LRP1: variants seen among roughly 807,000 people sequenced by gnomAD.
LRP1 encodes the protein prolow-density lipoprotein receptor-related protein 1.
Under a neutral mutation model 541.5 loss-of-function variants are expected in LRP1, and 51 were observed. The observed-to-expected ratio is 0.09, with a 90% CI of 0.08 to 0.12. The LOEUF (loss-of-function observed/expected upper bound fraction) is 0.12. Among genes scored for constraint, LRP1 ranks in the 10% least tolerant of loss-of-function variants. The pLI is 1.00. For synonymous variants in LRP1, 2,219 were observed against 2,470.8 expected (o/e 0.90, Z 3.02); for missense variants, 3,878 against 6,376.2 (o/e 0.61, Z 13.34).
In LRP1 at chr12:57,177,011, G is replaced by A. The variant is rs562259774; in HGVS notation, c.3992-30G>A. 2.0e-4 allele frequency: 319 copies of A among 1,594,986 alleles called. No individual in the cohort carries two copies. In the South Asian group the frequency reaches 3.3e-3, roughly 16 times the overall value. On this transcript the variant is annotated intron_variant, in intron 24 of 88. Coordinates refer to ENST00000243077, the MANE Select transcript of LRP1 (RefSeq NM_002332.3). This position sits in a 1 kb window ranked among gnomAD's most constrained non-coding sequence, Gnocchi z 6.8. ...ATTCATGCACAGCTCCCCAGGAGACGCTAACCTTTCACTGCCCTCTCTTCT... is the reference window on the plus strand; with the variant it reads ...ATTCATGCACAGCTCCCCAGGAGACACTAACCTTTCACTGCCCTCTCTTCT...
chr12:57,197,778 C>T lies in LRP1; in HGVS notation c.9282+114C>T. The T allele has an allele frequency of 8.4e-7, 1 of 1,185,926 alleles. No individual in the cohort carries two copies. The highest frequency in any genetic ancestry group is 1.2e-6 in the Non-Finnish European group (1 of 847,414). The allele number at this position is 1,185,926 out of a possible 1,614,324, so 73.5% of individuals were successfully genotyped here. ...ATTGCTTCCTTCTCACTCCACTAGT[C>T]ACTATATGACTGCTTGTTCTAGCTG... is the stretch of plus-strand genomic sequence containing the variant. On this transcript the variant is annotated intron_variant, in intron 58 of 88. Coordinates refer to ENST00000243077, the MANE Select transcript of LRP1 (RefSeq NM_002332.3). This position sits in a 1 kb window ranked among gnomAD's most constrained non-coding sequence, Gnocchi z 4.5.
intron 6 of LRP1, among the ~76,000 whole-genome samples, chr12:57,146,968 C>G (rs7968719): frequency 0.5 from 76,646 of 151,860 alleles, 19,446 homozygotes; most frequent in Admixed American, 0.56. Context: ...CAGTGGGCTT[C>G]TGGGTAGGTG....
rs2035818986 is a variant in LRP1 at position 57,165,410 on chromosome 12, C to G, written c.2531-395C>G. The G allele has an allele frequency of 5.7e-6, 1 of 175,014 alleles. No homozygotes were observed. Among genetic ancestry groups the G allele is most frequent in the African/African-American group, 2.4e-5 (1 of 41,942 alleles). 10.8% of individuals were successfully genotyped at this position (175,014 alleles called of 1,614,324 possible). Reference sequence around the variant, plus strand: ...ACTTCTGCTGGTGGGACCGATGAAACTGTGAAATAAAAAGTCCAGGGACCG... The same window carrying G: ...ACTTCTGCTGGTGGGACCGATGAAAGTGTGAAATAAAAAGTCCAGGGACCG... On this transcript the variant is annotated intron_variant, in intron 15 of 88. Transcript: ENST00000243077. This position sits in a 1 kb window ranked among gnomAD's most constrained non-coding sequence, Gnocchi z 4.5.
rs146906834 is a variant in LRP1 at position 57,175,500 on chromosome 12, C to T, written c.3588C>T (p.Cys1196=). 1.5e-4 allele frequency: 245 copies of T among 1,614,002 alleles called. No homozygotes were observed. Among genetic ancestry groups the T allele is most frequent in the Non-Finnish European group, 1.9e-4 (229 of 1,180,014 alleles). ...SLNNGGCSHN[C]SVAPGEGIVC... is the part of the protein sequence containing the mutation. ...ATAACGGTGGCTGCAGCCACAACTG[C>T]TCAGTGGCACCTGGCGAAGGCATTG... Residue 1196 remains cysteine, a synonymous_variant, in exon 23 of 89, where the codon TGC becomes TGT. Coordinates refer to ENST00000243077, the MANE Select transcript of LRP1 (RefSeq NM_002332.3).
chr12:57,195,126 G>A, intron 51 of LRP1, 25 bp downstream of exon 51: 1 of 1,608,604 alleles, frequency 6.2e-7, no homozygotes, highest in East Asian at 2.2e-5. Flanking sequence ...ATTGGGCCGG[G>A]GGAGGTGCCC....
intron 55 of LRP1, among the ~76,000 whole-genome samples, 159 bp downstream of exon 55, chr12:57,196,436 G>A (rs975609880): frequency 2.6e-5 from 4 of 152,238 alleles, no homozygotes; most frequent in African/African-American, 9.6e-5. Context: ...CTGGCAGGTA[G>A]AGAGCCAGCA....
At position 57,203,499 on chromosome 12, in the gene LRP1, CGAG is replaced by C. The variant is rs771187068; in HGVS notation, c.10934_10936del (p.Glu3645del). 71 of 1,556,928 alleles carry C rather than the reference CGAG, an allele frequency of 4.6e-5. No individual in the cohort carries two copies. The South Asian group carries it at 8.2e-4, about 18-fold the overall frequency. ...ACGCCGACTGCATGGACGGCAGCGA[CGAG>C]GAGGCCTGCGGCACTGGCGGTGCGC... On this transcript the variant is annotated inframe_deletion, in exon 70 of 89. Transcript: ENST00000243077.
Position 57,202,435 on chromosome 12 carries a change from G to A in LRP1, c.10609G>A (p.Glu3537Lys), listed in dbSNP as rs1362732553. Residue 3537 changes from glutamate (E) to lysine (K), a missense_variant, in exon 68 of 89, where the codon GAG becomes AAG. By Grantham distance (56) the Glu-to-Lys change is moderately conservative. Around this residue, in one of 13 missense-constraint regions of LRP1, gnomAD observed 278 missense variants for 536.3 expected, o/e 0.52. Coordinates refer to ENST00000243077, the MANE Select transcript of LRP1 (RefSeq NM_002332.3). ...GCCTCCTCCAGATGAACGCACCTGT[G>A]AGCCATACCAGTTCCGCTGCAAGAA... ...PKEECDERTC[E>K]PYQFRCKNNR... The A allele has an allele frequency of 6.2e-7, 1 of 1,613,150 alleles. No individual in the cohort carries two copies. Among genetic ancestry groups the A allele is most frequent in the Non-Finnish European group, 8.5e-7 (1 of 1,179,746 alleles).
Position 57,177,308 on chromosome 12 carries a change from C to A in LRP1, c.4196+63C>A. On this transcript the variant is annotated intron_variant, in intron 25 of 88. Transcript: ENST00000243077. The surrounding 1 kb of genome is among the most constrained non-coding windows in gnomAD (Gnocchi z 6.8). ...CCCCCTGAAGTCCCATTCAGCCTGG[C>A]CAGGGACACCTTACTCCTCAGTGCC... The A allele has an allele frequency of 1.3e-6, 2 of 1,586,654 alleles. No homozygotes were observed. Among genetic ancestry groups the A allele is most frequent in the South Asian group, 1.1e-5 (1 of 88,940 alleles).
In LRP1 at chr12:57,197,252, G is replaced by A; in HGVS notation, c.9077-47G>A. On this transcript the variant is annotated intron_variant, in intron 56 of 88. Coordinates refer to ENST00000243077, the MANE Select transcript of LRP1 (RefSeq NM_002332.3). This position sits in a 1 kb window ranked among gnomAD's most constrained non-coding sequence, Gnocchi z 4.5. ...GAGCTCCAGACAGGCAGGAGACCAG[G>A]GCCGCTAGAATGTGCCAGGAGCTGA... The A allele has an allele frequency of 5.6e-6, 9 of 1,612,892 alleles. No individual in the cohort carries two copies. Among genetic ancestry groups the A allele is most frequent in the Non-Finnish European group, 7.6e-6 (9 of 1,178,916 alleles).
chr12:57,167,441 C>T lies in LRP1; in HGVS notation c.2915-3C>T, dbSNP rs2035861700. On this transcript the variant is annotated splice_polypyrimidine_tract_variant and splice_region_variant and intron_variant, in intron 18 of 88. Coordinates refer to ENST00000243077, the MANE Select transcript of LRP1 (RefSeq NM_002332.3). ...CTACTCAGCTACTCTTTCTTCCTCACAGCCTATCCCACCTGCTTCCCCCTG... is the reference window on the plus strand; with the variant it reads ...CTACTCAGCTACTCTTTCTTCCTCATAGCCTATCCCACCTGCTTCCCCCTG... 2 of 1,612,130 alleles carry T rather than the reference C, an allele frequency of 1.2e-6. No individual in the cohort carries two copies. Among genetic ancestry groups the T allele is most frequent in the African/African-American group, 2.7e-5 (2 of 74,892 alleles).
intron 2 of LRP1, among the ~76,000 whole-genome samples, chr12:57,140,626 C>G (rs2035269301): frequency 6.6e-6 from 1 of 152,230 alleles, no homozygotes; most frequent in African/African-American, 2.4e-5. Context: ...TTTGGCACCA[C>G]TCTTGGCCCT....
rs1565749208 is a variant in LRP1, at chr12:57,198,263, G to A, written c.9390G>A (p.Lys3130=). The A allele has an allele frequency of 6.2e-7, 1 of 1,613,730 alleles. No homozygotes were observed. Among genetic ancestry groups the A allele is most frequent in the South Asian group, 1.1e-5 (1 of 91,046 alleles). Residue 3130 remains lysine (K), a synonymous_variant, in exon 59 of 89, where the codon AAG becomes AAA. Coordinates refer to ENST00000243077, the MANE Select transcript of LRP1 (RefSeq NM_002332.3). ...DKGRDTIEVS[K]LNGAYRTVLV... is the part of the protein sequence containing the mutation. ...GCCGGGACACCATCGAGGTGTCCAA[G>A]CTCAATGGGGCCTATCGGACGGTGC... is the stretch of plus-strand genomic sequence containing the variant.
chr12:57,198,065 A>G, intron 58 of LRP1, 91 bp from the exon 59 acceptor site: 1 of 1,146,428 alleles, frequency 8.7e-7, no homozygotes, highest in South Asian at 1.5e-5. Context: ...GCTCTACCCC[A>G]TTTTACACGA....
Position 57,201,427 on chromosome 12 carries a change from A to G in LRP1, c.10346-70A>G. 1 of 1,550,236 alleles carries G rather than the reference A, an allele frequency of 6.5e-7. No homozygotes were observed. The highest frequency in any genetic ancestry group is 8.7e-7 in the Non-Finnish European group (1 of 1,143,566). ...ACCAAGGCCAGGGCTTGGAAGAGAG[A>G]GAAGACAGTGATGGTGAACTGGAGT... On this transcript the variant is annotated intron_variant, in intron 65 of 88. Coordinates refer to ENST00000243077, the MANE Select transcript of LRP1 (RefSeq NM_002332.3). This position sits in a 1 kb window ranked among gnomAD's most constrained non-coding sequence, Gnocchi z 6.4.
rs752868634 is a variant in LRP1, at chr12:57,209,037, C to G, written c.12146-46C>G. The G allele has an allele frequency of 3.3e-6, 5 of 1,506,402 alleles. No homozygotes were observed. In the South Asian group the frequency reaches 5.6e-5, roughly 17 times the overall value. 93.3% of individuals were successfully genotyped at this position (1,506,402 alleles called of 1,614,324 possible). A position where few individuals can be genotyped will look rare whatever the true frequency, so the allele number is the denominator to read the frequency against. ...GGAGGCAGTTCTTTCCACCCCGAGC[C>G]TGGGTTGGGGAGGCCAAGCTCTCAC... On this transcript the variant is annotated intron_variant, in intron 78 of 88. Transcript: ENST00000243077.
At chr12:57,139,044 G>A (rs796540636) in intron 2 of LRP1, among the ~76,000 whole-genome samples, 2 of 151,100 alleles carry the variant, frequency 1.3e-5, no homozygotes, top group African/African-American at 2.4e-5. Flanking sequence ...CGCTACCCCC[G>A]CCTTCCCCTG....
chr12:57,128,719 G>C lies in LRP1; in HGVS notation c.-246G>C, dbSNP rs1043130353. On this transcript the variant is annotated 5_prime_UTR_variant, in exon 1 of 89. Coordinates refer to ENST00000243077, the MANE Select transcript of LRP1 (RefSeq NM_002332.3). ...GGAAAGAGCAGCGAGGAGTGAAGCG[G>C]GGGGGTGGGGTGAAGGGTTTGGATT... 1.9e-5 allele frequency: 8 copies of C among 417,362 alleles called. No individual in the cohort carries two copies. The highest frequency in any genetic ancestry group is 3.4e-5 in the Non-Finnish European group (8 of 234,642). 25.9% of individuals were successfully genotyped at this position (417,362 alleles called of 1,614,324 possible).
intron 3 of LRP1, among the ~76,000 whole-genome samples, chr12:57,142,504 T>G (rs990907309): frequency 3.8e-4 from 58 of 152,324 alleles, no homozygotes; most frequent in African/African-American, 1.1e-3. Flanking sequence ...TGTTTTCATC[T>G]GAAGCTCCTG....
Sources: allele counts gnomAD v4.1 joint callset (sites outside exome capture counted in the v4.1 genomes callset), GRCh38; gene constraint gnomAD v4.1.1; regional missense constraint gnomAD v4.1.1; non-coding constraint Gnocchi (gnomAD v3.1); transcripts MANE v1.5; gene names NCBI Gene and HGNC (gene_info 2026-07-23, HGNC 2026-07-21).